The following OVCH1 variants were observed in gnomAD, a reference collection of about 807,000 sequenced individuals.
OVCH1 encodes the protein ovochymase 1.
A neutral mutation model predicts 138.4 loss-of-function variants in OVCH1; 139 were observed. The ratio of observed to expected loss-of-function variants is 1.00; its 90% CI spans 0.87 to 1.16. The LOEUF is 1.16. OVCH1 is among the 50% of genes most tolerant of loss of function. The pLI, the probability that OVCH1 is intolerant of heterozygous loss-of-function variation, is 0.00. For missense variants in OVCH1, 1,367 were observed against 1,357.9 expected (o/e 1.01, Z -0.11); for synonymous variants, 453 against 467.8 (o/e 0.97, Z 0.41).
chr12:29,455,422 A>G lies in OVCH1; in HGVS notation c.2281-17T>C. 1 of 1,582,818 alleles carries G rather than the reference A, an allele frequency of 6.3e-7. No individual in the cohort carries two copies. Among genetic ancestry groups the G allele is most frequent in the Non-Finnish European group, 8.6e-7 (1 of 1,166,762 alleles). On this transcript the variant is annotated splice_polypyrimidine_tract_variant and intron_variant, in intron 19 of 27. Coordinates refer to ENST00000318184, the Ensembl canonical transcript of OVCH1. ...AGAGTCTCCCTGAAACACCAAGAAA[A>G]CATGTTTTAGAAAACTGCTTTAATC...
chr12:29,439,485 C>T (rs1941432606), intron 25 of OVCH1: 1 of 1,143,326 alleles, frequency 8.7e-7, no homozygotes. Flanking sequence ...AAACAAAAAG[C>T]AAAAAACAAA....
At chr12:29,485,480 A>G (rs1943066741) in intron 8 of OVCH1, among the ~76,000 whole-genome samples, 3 of 151,760 alleles carry the variant, frequency 2.0e-5, no homozygotes, top group African/African-American at 7.3e-5. Flanking sequence ...GTCTCTACTA[A>G]AAATACAAAA....
chr12:29,408,567 AT>A (rs1940912697), downstream of OVCH1, among the ~76,000 whole-genome samples: 3 of 125,732 alleles, frequency 2.4e-5, no homozygotes, highest in Admixed American at 2.5e-4. Context: ...TGAGATAATC[AT>A]GTGGTTTTTG....
exon 5 of OVCH1, chr12:29,491,171 C>T: frequency 6.2e-7 from 1 of 1,613,614 alleles, no homozygotes; most frequent in Non-Finnish European, 8.5e-7. Context: ...GTCAGGAAGA[C>T]AGATTGGCTG....
At chr12:29,428,110 G>A (rs548095417) in intron 27 of OVCH1, among the ~76,000 whole-genome samples, 2 of 152,200 alleles carry the variant, frequency 1.3e-5, no homozygotes, top group African/African-American at 4.8e-5. Context: ...CAGACAGGGC[G>A]GTGCTAGTCT....
At chr12:29,448,468 A>T (rs948943909) in intron 22 of OVCH1, among the ~76,000 whole-genome samples, 1 of 152,062 alleles carries the variant, frequency 6.6e-6, no homozygotes, top group Non-Finnish European at 1.5e-5. Context: ...ATTGAAGGAC[A>T]TGAGGCACAA....
Position 29,461,807 on chromosome 12 carries a change from C to A in OVCH1, c.2280+47G>T, listed in dbSNP as rs750648974. 8 of 1,609,966 alleles carry A rather than the reference C, an allele frequency of 5.0e-6. No individual in the cohort carries two copies. The Admixed American group carries it at 1.3e-4, about 27-fold the overall frequency. ...TCTCCTGTCTATAGAAACTCTTCAG[C>A]AGATGGCAATTTTCCACCTTCCTGT... is the stretch of plus-strand genomic sequence containing the variant. On this transcript the variant is annotated intron_variant, in intron 19 of 27. Coordinates refer to ENST00000318184, the Ensembl canonical transcript of OVCH1.
intron 22 of OVCH1, among the ~76,000 whole-genome samples, chr12:29,448,921 C>G (rs1269861207): frequency 6.6e-6 from 1 of 152,018 alleles, no homozygotes; most frequent in Non-Finnish European, 1.5e-5. Context: ...TCCAGATTTC[C>G]CCATTAACCA....
chr12:29,461,574 G>T (rs1220291020), intron 19 of OVCH1, among the ~76,000 whole-genome samples: 1 of 152,040 alleles, frequency 6.6e-6, no homozygotes, highest in Non-Finnish European at 1.5e-5. Context: ...CCTTGCTCAG[G>T]CCTGCTTAGA....
chr12:29,406,224 A>T, the OVCH1 span, among the ~76,000 whole-genome samples: 1 of 152,220 alleles, frequency 6.6e-6, no homozygotes, highest in Non-Finnish European at 1.5e-5. Flanking sequence ...ATATTCTTCA[A>T]TACATGTTTT....
downstream of OVCH1, chr12:29,423,046 C>A: frequency 3.0e-6 from 1 of 329,672 alleles, no homozygotes; most frequent in South Asian, 2.4e-5. Context: ...TACTAGTGAC[C>A]CTTAAACCAA....
intron 25 of OVCH1, among the ~76,000 whole-genome samples, 58 bp downstream of exon 26, chr12:29,439,795 C>CCT (rs1941441310): frequency 6.6e-6 from 1 of 152,180 alleles, no homozygotes; most frequent in Non-Finnish European, 1.5e-5. Context: ...CCCACGATCC[C>CCT]CTCCTCAGGT....
downstream of OVCH1, among the ~76,000 whole-genome samples, chr12:29,423,731 A>C (rs981226318): frequency 6.6e-6 from 1 of 152,238 alleles, no homozygotes; most frequent in Admixed American, 6.5e-5. Context: ...AAGTTCTCCT[A>C]AAATAAAACA....
At position 29,493,671 on chromosome 12, in the gene OVCH1, A is replaced by C. The variant is rs574827793; in HGVS notation, c.454+1614T>G. ...ATTCCAATTACATTTTTATATTTTC[A>C]TGTTTTACTGGCTTATTTTCAAATT... On this transcript the variant is annotated intron_variant, in intron 4 of 27. Transcript: ENST00000318184. 2.0e-5 allele frequency among the ~76,000 whole-genome samples: 3 copies of C among 152,226 alleles called. No individual in the cohort carries two copies. The South Asian group carries it at 6.2e-4, about 32-fold the overall frequency.
intron 4 of OVCH1, 78 bp downstream of exon 4, chr12:29,495,207 C>T (rs1213043461): frequency 2.2e-6 from 3 of 1,341,020 alleles, no homozygotes; most frequent in African/African-American, 1.5e-5. Flanking sequence ...GACAGCCACA[C>T]AGACATTAAA....
At chr12:29,475,174 ATTC>A in exon 14 of OVCH1, 4 of 1,491,874 alleles carry the variant, frequency 2.7e-6, no homozygotes, top group Non-Finnish European at 3.6e-6. Flanking sequence ...GATGGTCAAC[ATTC>A]CACAAAGTTT....
In OVCH1 at chr12:29,486,261, TG is replaced by T; in HGVS notation, c.979del (p.Gln327ArgfsTer7). 1 of 1,613,018 alleles carries T rather than the reference TG, an allele frequency of 6.2e-7. No individual in the cohort carries two copies. ...AGAACCACACATACCCTTTCCTCTCTGGCTTCCATTCACTTCTTGGACAGAA... is the reference window on the plus strand; with the variant it reads ...AGAACCACACATACCCTTTCCTCTCTGCTTCCATTCACTTCTTGGACAGAA... On this transcript the variant is annotated frameshift_variant, in exon 8 of 28. Coordinates refer to ENST00000318184, the Ensembl canonical transcript of OVCH1. LOFTEE classifies it high-confidence loss of function.
At chr12:29,433,003 A>T (rs1448284631) in intron 27 of OVCH1, among the ~76,000 whole-genome samples, 2 of 152,142 alleles carry the variant, frequency 1.3e-5, no homozygotes, top group Non-Finnish European at 2.9e-5. Flanking sequence ...GAAAAACGAG[A>T]GGGCAAAAGG....
chr12:29,437,224 G>T (rs545794436), intron 26 of OVCH1, among the ~76,000 whole-genome samples: 3 of 152,110 alleles, frequency 2.0e-5, no homozygotes, highest in Admixed American at 6.5e-5. Context: ...AGACAGAAAA[G>T]TTCTCCAAGT....
Sources: gnomAD v4.1 joint callset for allele counts (sites outside exome capture counted in the v4.1 genomes callset) on GRCh38, gnomAD v4.1.1 for gene constraint, MANE v1.5 for transcripts, NCBI Gene and HGNC (gene_info 2026-07-23, HGNC 2026-07-21) for gene names.